The following TICRR variants were observed in gnomAD, a reference collection of about 807,000 sequenced individuals.
The protein encoded by TICRR is treslin.
TICRR carries 132 observed loss-of-function variants against 178.1 expected under a neutral mutation model. That is an observed-to-expected ratio of 0.74 (90% CI 0.64 to 0.86). TICRR has a LOEUF of 0.86. Ranked by LOEUF, TICRR falls within the 40% of genes least tolerant of loss-of-function variation. The pLI, the probability that TICRR is intolerant of heterozygous loss-of-function variation, is 0.00. For missense variants in TICRR, 2,587 were observed against 2,334.3 expected (o/e 1.11, Z -2.23); for synonymous variants, 991 against 900.7 (o/e 1.10, Z -1.79).
Position 89,624,724 on chromosome 15 carries a change from C to T in TICRR, c.4414C>T (p.His1472Tyr), listed in dbSNP as rs1466189363. 1.2e-6 allele frequency: 2 copies of T among 1,614,084 alleles called. No homozygotes were observed. Among genetic ancestry groups the T allele is most frequent in the African/African-American group, 1.3e-5 (1 of 74,944 alleles). The change falls in exon 20 of 22, where the codon CAC becomes TAC. Residue 1472 changes from histidine to tyrosine, a missense_variant. By Grantham distance (83) the His-to-Tyr change is moderately conservative (BLOSUM62 2). Transcript: ENST00000268138. ...EHVTLLSEAE[H>Y]HGIGDLKSNV... is the part of the protein sequence containing the mutation. ...TGTCACTCTCCTCAGTGAAGCCGAA[C>T]ACCATGGCATTGGTGACTTGAAAAG...
chr15:89,591,142 T>A (rs964407592), intron 4 of TICRR, among the ~76,000 whole-genome samples: 2 of 152,188 alleles, frequency 1.3e-5, no homozygotes, highest in East Asian at 3.9e-4. Context: ...TGTGTGTGTG[T>A]GAGACGGAGT....
chr15:89,609,017 T>C, intron 15 of TICRR, 68 bp downstream of exon 15: 1 of 1,427,524 alleles, frequency 7.0e-7, no homozygotes. Flanking sequence ...TAATGTACCG[T>C]CTTTCTTTCC....
At position 89,595,606 on chromosome 15, in the gene TICRR, C is replaced by A; in HGVS notation, c.1895C>A (p.Pro632His). 1 of 1,612,018 alleles carries A rather than the reference C, an allele frequency of 6.2e-7. No homozygotes were observed. ...DRGRTLRSSK[P>H]KDFKTEEELL... ...GGAAGAACACTAAGAAGTTCTAAACCTAAAGGTATTCCTCTTAGTCTATAA... is the reference window on the plus strand; with the variant it reads ...GGAAGAACACTAAGAAGTTCTAAACATAAAGGTATTCCTCTTAGTCTATAA... Residue 632 changes from proline to histidine, a missense_variant, in exon 7 of 22, where the codon CCT (proline) becomes CAT (histidine). Physicochemically the swap from Pro to His is moderately conservative, Grantham distance 77. Coordinates refer to ENST00000268138, the MANE Select transcript of TICRR (RefSeq NM_152259.4).
intron 15 of TICRR, among the ~76,000 whole-genome samples, chr15:89,614,732 T>G (rs1963307833): frequency 6.6e-6 from 1 of 152,212 alleles, no homozygotes. Context: ...TTCTAAACTA[T>G]TTGTTTAAAT....
chr15:89,624,898 G>T lies in TICRR; in HGVS notation c.4588G>T (p.Asp1530Tyr), dbSNP rs1449174985. Residue 1530 changes from aspartate (D) to tyrosine (Y), a missense_variant, in exon 20 of 22, where the codon GAT becomes TAT. Transcript: ENST00000268138. ...TTCCCGTGACGTGCACTGTACCACA[G>T]ATGGGAGACAGTGCCAGGCTTCGGC... is the stretch of plus-strand genomic sequence containing the variant. ...MPSRDVHCTT[D>Y]GRQCQASAQL... is the part of the protein sequence containing the mutation. 3 of 1,614,036 alleles carry T rather than the reference G, an allele frequency of 1.9e-6. No homozygotes were observed. The highest frequency in any genetic ancestry group is 1.7e-6 in the Non-Finnish European group (2 of 1,180,034).
intron 7 of TICRR, 110 bp downstream of exon 7, chr15:89,595,721 A>G: frequency 1.4e-6 from 1 of 725,028 alleles, no homozygotes; most frequent in Non-Finnish European, 2.3e-6. Context: ...AAAAGGTGTT[A>G]TGGTGAATAC....
intron 1 of TICRR, chr15:89,582,369 T>C (rs1396330978): frequency 4.3e-6 from 1 of 231,478 alleles, no homozygotes; most frequent in Non-Finnish European, 8.3e-6. Flanking sequence ...ATAATGGTTC[T>C]ATGTTCCTTC....
chr15:89,601,497 T>A lies in TICRR; in HGVS notation c.2256T>A (p.Asp752Glu), dbSNP rs1567045603. ...DMEQVVEEVT[D>E]LLRMVCLTED... is the part of the protein sequence containing the mutation. ...TCTAAAATCTCCTTCAGGTGACAGA[T>A]TTGCTGCGCATGGTGTGTTTAACTG... Residue 752 changes from aspartate to glutamate, a missense_variant, in exon 11 of 22, where the codon GAT becomes GAA. Asp to Glu is a conservative substitution (Grantham distance 45, BLOSUM62 2). Transcript: ENST00000268138. The A allele has an allele frequency of 6.2e-7, 1 of 1,614,220 alleles. No individual in the cohort carries two copies. The highest frequency in any genetic ancestry group is 2.2e-5 in the East Asian group (1 of 44,886).
chr15:89,618,130 C>T (rs1018245622), intron 16 of TICRR, 22 bp from the exon 17 acceptor site: 1 of 1,613,060 alleles, frequency 6.2e-7, no homozygotes, highest in Non-Finnish European at 8.5e-7. Flanking sequence ...TGGAGTAATC[C>T]TTGTGCATGT....
chr15:89,577,423 C>T (rs1406542674), intron 1 of TICRR, among the ~76,000 whole-genome samples: 3 of 152,024 alleles, frequency 2.0e-5, no homozygotes, highest in African/African-American at 7.3e-5. Flanking sequence ...AAGCCAGTAA[C>T]ATCTGAGTGC....
intron 6 of TICRR, among the ~76,000 whole-genome samples, chr15:89,594,776 A>G (rs1198111954): frequency 6.6e-6 from 1 of 152,202 alleles, no homozygotes; most frequent in Admixed American, 6.5e-5. Flanking sequence ...TTTAATTATG[A>G]TAGAAATTCA....
intron 19 of TICRR, among the ~76,000 whole-genome samples, 159 bp from the exon 20 acceptor site, chr15:89,623,464 G>A (rs1963457733): frequency 6.6e-6 from 1 of 152,232 alleles, no homozygotes; most frequent in Non-Finnish European, 1.5e-5. Flanking sequence ...TCTGAGTCAT[G>A]TTTTGGAGAG....
rs755392938 is a variant in TICRR at position 89,575,697 on chromosome 15, A to C, written c.111A>C (p.Arg37=). The part of the protein sequence containing the change: ...ALRLLTYLSC[R]FGLARVHWAF... ...GCCTCCTCACCTATCTGAGTTGCCGATTCGGCCTGGCCAGGGTCCACTGGG... is the reference window on the plus strand; with the variant it reads ...GCCTCCTCACCTATCTGAGTTGCCGCTTCGGCCTGGCCAGGGTCCACTGGG... Residue 37 remains arginine (R), a synonymous_variant, in exon 1 of 22, where the codon CGA becomes CGC. Coordinates refer to ENST00000268138, the MANE Select transcript of TICRR (RefSeq NM_152259.4). 17 of 1,606,258 alleles carry C rather than the reference A, an allele frequency of 1.1e-5. No individual in the cohort carries two copies. The South Asian group carries it at 1.9e-4, about 18-fold the overall frequency.
At chr15:89,576,295 C>T (rs984379525) in intron 1 of TICRR, 55 bp downstream of exon 1, 1 of 1,453,488 alleles carries the variant, frequency 6.9e-7, no homozygotes, top group Non-Finnish European at 9.1e-7. Flanking sequence ...CCTTGCTAAC[C>T]AGAACTTGGC....
chr15:89,605,053 A>G (rs1199308565), intron 13 of TICRR, among the ~76,000 whole-genome samples: 2 of 152,148 alleles, frequency 1.3e-5, no homozygotes, highest in Non-Finnish European at 2.9e-5. Context: ...TAAAAAAAAA[A>G]TATTTGATCC....
chr15:89,578,913 C>G (rs1196699650), intron 1 of TICRR, among the ~76,000 whole-genome samples: 2 of 152,030 alleles, frequency 1.3e-5, no homozygotes, highest in African/African-American at 4.8e-5. Context: ...GGGCTGTGTC[C>G]TTGGGGAGTG....
At chr15:89,621,314 C>T (rs1281642544) in intron 18 of TICRR, 79 bp from the exon 19 acceptor site, 10 of 1,421,452 alleles carry the variant, frequency 7.0e-6, no homozygotes, top group Admixed American at 6.4e-5. Flanking sequence ...AGCCACCATG[C>T]GTGGCTGGCT....
chr15:89,609,099 TC>T (rs869057535), intron 15 of TICRR, 150 bp downstream of exon 15: 13 of 251,646 alleles, frequency 5.2e-5, no homozygotes, highest in East Asian at 8.5e-5. Flanking sequence ...ATTTTGTTAA[TC>T]TTTTTTTTTT....
In TICRR at chr15:89,599,398, ATGT is replaced by A; in HGVS notation, c.1979_1981del (p.Leu660del). Reference sequence around the variant, plus strand: ...AAAGACTGTGGCCACAGGAGAAATCATGTTGTATGCATGTGCTCGAAACATGAT... The same window carrying A: ...AAAGACTGTGGCCACAGGAGAAATCATGTATGCATGTGCTCGAAACATGAT... On this transcript the variant is annotated inframe_deletion, in exon 8 of 22. Coordinates refer to ENST00000268138, the MANE Select transcript of TICRR (RefSeq NM_152259.4). 6.2e-7 allele frequency: 1 copy of A among 1,613,950 alleles called. No homozygotes were observed. Among genetic ancestry groups the A allele is most frequent in the Non-Finnish European group, 8.5e-7 (1 of 1,179,942 alleles).
Sources: allele counts gnomAD v4.1 joint callset (sites outside exome capture counted in the v4.1 genomes callset), GRCh38; gene constraint gnomAD v4.1.1; transcripts MANE v1.5; gene names NCBI Gene and HGNC (gene_info 2026-07-23, HGNC 2026-07-21).